The following NADK variants were observed in gnomAD, a reference collection of about 807,000 sequenced individuals.
NADK encodes NAD kinase.
In NADK, 22 loss-of-function variants were observed where a neutral mutation model predicts 49.8. The ratio of observed to expected loss-of-function variants is 0.44; its 90% CI spans 0.32 to 0.63. The LOEUF (loss-of-function observed/expected upper bound fraction) is 0.63. NADK is among the 30% of genes least tolerant of loss of function. The pLI is 0.06. For synonymous variants in NADK, 268 were observed against 253.7 expected (o/e 1.06, Z -0.54); for missense variants, 438 against 609.4 (o/e 0.72, Z 2.96).
intron 3 of NADK, chr1:1,759,807 G>C: frequency 1.3e-6 from 2 of 1,554,320 alleles, no homozygotes; most frequent in Non-Finnish European, 1.7e-6. Context: ...TGAGGGCTGA[G>C]GCAGAACATG....
intron 3 of NADK, chr1:1,759,137 C>T: frequency 5.1e-6 from 8 of 1,554,808 alleles, no homozygotes; most frequent in Non-Finnish European, 7.0e-6. Flanking sequence ...AGCCCTGAGG[C>T]TCAGCTGAGC....
chr1:1,776,782 A>G (rs1179917438), intron 1 of NADK, among the ~76,000 whole-genome samples: 1 of 151,594 alleles, frequency 6.6e-6, no homozygotes, highest in African/African-American at 2.4e-5. Context: ...TAAAAAAAAA[A>G]AAAAAAAAAA....
At chr1:1,764,629 C>T (rs1440142433) in intron 2 of NADK, among the ~76,000 whole-genome samples, 1 of 152,188 alleles carries the variant, frequency 6.6e-6, no homozygotes, top group Non-Finnish European at 1.5e-5. Flanking sequence ...AGGCCAGGCA[C>T]AGTGGCTTGC....
At chr1:1,758,512 C>T (rs748441254) in intron 3 of NADK, 12 of 1,609,392 alleles carry the variant, frequency 7.5e-6, no homozygotes, top group South Asian at 4.4e-5. Context: ...CCACGCTTGG[C>T]GAACACGCGG....
chr1:1,766,690 CTTT>C (rs749259178), intron 1 of NADK, among the ~76,000 whole-genome samples: 3 of 143,328 alleles, frequency 2.1e-5, no homozygotes, highest in Non-Finnish European at 1.5e-5. Context: ...TTTTCTTTTT[CTTT>C]TTTTTTTTTT....
chr1:1,756,634 A>G (rs1645531336), intron 4 of NADK, 26 bp from the exon 5 acceptor site: 1 of 1,613,846 alleles, frequency 6.2e-7, no homozygotes, highest in African/African-American at 1.3e-5. Flanking sequence ...CAACCTGCTC[A>G]TTCCACCTGC....
At position 1,755,348 on chromosome 1, in the gene NADK, G is replaced by A. The variant is rs768423294; in HGVS notation, c.688+26C>T. On this transcript the variant is annotated intron_variant, in intron 7 of 11. Transcript: ENST00000341426. ...CAGCAGCGCCATGATCAGAGCTCCT[G>A]TGGGCTCCAGAACATTCCAACTCAC... 40 of 1,547,750 alleles carry A rather than the reference G, an allele frequency of 2.6e-5. No individual in the cohort carries two copies. In the African/African-American group the frequency reaches 4.8e-4, roughly 18 times the overall value.
At chr1:1,756,792 C>T in intron 4 of NADK, 184 bp from the exon 5 acceptor site, 1 of 1,087,480 alleles carries the variant, frequency 9.2e-7, no homozygotes, top group South Asian at 1.3e-5. Flanking sequence ...TAAGAGATGA[C>T]TGGGCGGAGG....
At chr1:1,775,312 C>T (rs1461300365) in intron 1 of NADK, among the ~76,000 whole-genome samples, 1 of 152,114 alleles carries the variant, frequency 6.6e-6, no homozygotes. Flanking sequence ...CATGTAAGAA[C>T]TCAATCAATA....
chr1:1,777,347 C>A (rs1432848044), intron 1 of NADK, among the ~76,000 whole-genome samples: 2 of 151,988 alleles, frequency 1.3e-5, no homozygotes. Context: ...AATTATCTAA[C>A]AAGGTGTTAA....
chr1:1,752,838 A>G lies in NADK; in HGVS notation c.*66T>C. The G allele has an allele frequency of 6.5e-7, 1 of 1,541,998 alleles. No homozygotes were observed. The highest frequency in any genetic ancestry group is 1.8e-5 in the Admixed American group (1 of 56,182). On this transcript the variant is annotated 3_prime_UTR_variant, in exon 12 of 12. Transcript: ENST00000341426. ...GACAGGCGGTCACAGACACACGCAG[A>G]TTGGTCTGTCCCCAGAGGGCGCTTG... is the stretch of plus-strand genomic sequence containing the variant.
At chr1:1,763,634 AAGAAG>A (rs1415262622) in intron 2 of NADK, among the ~76,000 whole-genome samples, 2 of 128,270 alleles carry the variant, frequency 1.6e-5, no homozygotes, top group Non-Finnish European at 1.7e-5. Flanking sequence ...AAAAAAAAAA[AAGAAG>A]AAGAAAACGA....
At chr1:1,779,263 G>C (rs1646304673), upstream of NADK, 1 of 152,586 alleles carries the variant, frequency 6.6e-6, no homozygotes, top group African/African-American at 2.4e-5. Flanking sequence ...GTTGGGGGAG[G>C]AGGCCAAAGC....
In NADK at chr1:1,754,069, G is replaced by A. The variant is rs139021221; in HGVS notation, c.1083C>T (p.Pro361=). The change falls in exon 10 of 12, where the codon CCC becomes CCT. Residue 361 remains proline, a synonymous_variant. Transcript: ENST00000341426. The surrounding 1 kb of genome is among the most constrained non-coding windows in gnomAD (Gnocchi z 4.3). ...CTCTGACCTTCAGCTCGACCCCTGCGGGGACCACGATGGGCCGGAAGGACA... is the reference window on the plus strand; with the variant it reads ...CTCTGACCTTCAGCTCGACCCCTGCAGGGACCACGATGGGCCGGAAGGACA... ...HSLSFRPIVV[P]AGVELKIMLS... is the part of the protein sequence containing the mutation. 114 of 1,596,548 alleles carry A rather than the reference G, an allele frequency of 7.1e-5. No individual in the cohort carries two copies. In the African/African-American group the frequency reaches 1.2e-3, roughly 17 times the overall value.
chr1:1,773,599 TAAAA>T (rs1257558147), intron 1 of NADK, among the ~76,000 whole-genome samples: 1 of 149,860 alleles, frequency 6.7e-6, no homozygotes, highest in African/African-American at 2.5e-5. Context: ...AAAACATTAA[TAAAA>T]AATAAACAAA....
chr1:1,762,157 T>C (rs1007091725), intron 2 of NADK, 122 bp from the exon 3 acceptor site: 3 of 794,146 alleles, frequency 3.8e-6, no homozygotes, highest in Admixed American at 4.3e-5. Context: ...GCCAACTCCA[T>C]CTGCCCAGCA....
intron 2 of NADK, among the ~76,000 whole-genome samples, chr1:1,762,287 A>C (rs17162854): frequency 6.6e-6 from 1 of 152,030 alleles, no homozygotes; most frequent in Non-Finnish European, 1.5e-5. Flanking sequence ...GGAGAGCTTC[A>C]GCCCAAACAA....
chr1:1,762,500 A>C (rs1645756199), intron 2 of NADK, among the ~76,000 whole-genome samples: 1 of 152,236 alleles, frequency 6.6e-6, no homozygotes, highest in African/African-American at 2.4e-5. Flanking sequence ...TCACACTTGT[A>C]ATCTCAGCAC....
intron 4 of NADK, 23 bp from the exon 5 acceptor site, chr1:1,756,631 C>G (rs753214672): frequency 2.5e-6 from 4 of 1,613,750 alleles, no homozygotes; most frequent in Non-Finnish European, 3.4e-6. Context: ...TGCCAACCTG[C>G]TCATTCCACC....
Sources: allele counts gnomAD v4.1 joint callset (sites outside exome capture counted in the v4.1 genomes callset), GRCh38; gene constraint gnomAD v4.1.1; non-coding constraint Gnocchi (gnomAD v3.1); transcripts MANE v1.5; gene names NCBI Gene and HGNC (gene_info 2026-07-23, HGNC 2026-07-21).